Variants in FSIP2 observed in about 807,000 individuals in gnomAD.
FSIP2 encodes fibrous sheath-interacting protein 2.
Under a neutral mutation model 510.5 loss-of-function variants are expected in FSIP2, and 367 were observed. The ratio of observed to expected loss-of-function variants is 0.72; its 90% CI spans 0.66 to 0.78. The LOEUF is 0.78. Among genes scored for constraint, FSIP2 ranks in the 30% least tolerant of loss-of-function variants. FSIP2 has a pLI of 0.00. For missense variants in FSIP2, 7,594 were observed against 7,901.7 expected, an observed-to-expected ratio of 0.96 and a Z score of 1.48; for synonymous variants, 2,601 against 2,732.2, an observed-to-expected ratio of 0.95 and a Z score of 1.50.
At position 185,795,890 on chromosome 2, in the gene FSIP2, G is replaced by A; in HGVS notation, c.8754G>A (p.Arg2918=). The A allele has an allele frequency of 6.5e-7, 1 of 1,533,372 alleles. No homozygotes were observed. Among genetic ancestry groups the A allele is most frequent in the Non-Finnish European group, 8.7e-7 (1 of 1,145,624 alleles). 95.0% of individuals were successfully genotyped at this position (1,533,372 alleles called of 1,614,324 possible). A position where few individuals can be genotyped will look rare whatever the true frequency, so the allele number is the denominator to read the frequency against. Residue 2918 remains arginine, a synonymous_variant, in exon 16 of 23, where the codon AGG becomes AGA. Transcript: ENST00000424728. ...AAGCACAAATTAATATGTTTGGAAGGGAAATTGTTGAAATGCTACTTGAAA... is the reference window on the plus strand; with the variant it reads ...AAGCACAAATTAATATGTTTGGAAGAGAAATTGTTGAAATGCTACTTGAAA... ...DTKAQINMFG[R]EIVEMLLEKL...
At chr2:185,746,458 G>A (rs543235261) in intron 5 of FSIP2, among the ~76,000 whole-genome samples, 1 of 152,122 alleles carries the variant, frequency 6.6e-6, no homozygotes, top group Admixed American at 6.6e-5. Context: ...CTTGTGTAGT[G>A]GAGAGACCTT....
chr2:185,792,465 A>G lies in FSIP2; in HGVS notation c.5329A>G (p.Ile1777Val), dbSNP rs199853325. The change falls in exon 16 of 23, where the codon ATT becomes GTT. Residue 1777 changes from isoleucine (I) to valine (V), a missense_variant. Ile to Val is a conservative substitution (Grantham distance 29). Coordinates refer to ENST00000424728, the MANE Select transcript of FSIP2 (RefSeq NM_173651.4). ...VKLKEPHISP[I>V]APIIRNILNE... Reference sequence around the variant, plus strand: ...ACTCAAAGAACCACATATATCTCCAATTGCTCCCATTATAAGAAATATTTT... The same window carrying G: ...ACTCAAAGAACCACATATATCTCCAGTTGCTCCCATTATAAGAAATATTTT... 2,869 of 1,530,794 alleles carry G rather than the reference A, an allele frequency of 1.9e-3. 3 individuals carry two copies. The highest frequency in any genetic ancestry group is 2.3e-3 in the Non-Finnish European group (2,572 of 1,142,748). 94.8% of individuals were successfully genotyped at this position (1,530,794 alleles called of 1,614,324 possible).
At position 185,794,183 on chromosome 2, in the gene FSIP2, G is replaced by A. The variant is rs1235746385; in HGVS notation, c.7047G>A (p.Lys2349=). The change falls in exon 16 of 23, where the codon AAG becomes AAA. Residue 2349 remains lysine (K), a synonymous_variant. Transcript: ENST00000424728. The part of the protein sequence containing the change: ...STIHLSQARL[K]TYADVIASAI... ...TTCACCTATCGCAAGCTAGGCTTAA[G>A]ACATATGCTGACGTCATTGCCAGTG... The A allele has an allele frequency of 6.5e-7, 1 of 1,534,648 alleles. No homozygotes were observed. Among genetic ancestry groups the A allele is most frequent in the Non-Finnish European group, 8.7e-7 (1 of 1,145,928 alleles).
chr2:185,772,750 G>A (rs1399550606), intron 13 of FSIP2, among the ~76,000 whole-genome samples: 2 of 151,884 alleles, frequency 1.3e-5, no homozygotes, highest in Non-Finnish European at 2.9e-5. Flanking sequence ...ACTTTTGTGT[G>A]TTTTCATAAT....
chr2:185,820,823 A>C (rs1693902033), intron 19 of FSIP2, among the ~76,000 whole-genome samples: 1 of 151,540 alleles, frequency 6.6e-6, no homozygotes, highest in Non-Finnish European at 1.5e-5. Context: ...TAAAATTTAT[A>C]GTTGTAAATT....
chr2:185,779,575 G>C (rs975156125), intron 13 of FSIP2, among the ~76,000 whole-genome samples: 3 of 151,934 alleles, frequency 2.0e-5, no homozygotes, highest in African/African-American at 7.2e-5. Context: ...GTTAAAATTG[G>C]ATAATTTACT....
At position 185,782,775 on chromosome 2, in the gene FSIP2, G is replaced by GGTACCTAA. The variant is rs1692880421; in HGVS notation, c.1469+14_1469+15insTACCTAAG. On this transcript the variant is annotated intron_variant, in intron 14 of 22. Coordinates refer to ENST00000424728, the MANE Select transcript of FSIP2 (RefSeq NM_173651.4). ...TTTACACAAATATGTAAGTACCTAA[G>GGTACCTAA]GAATTATATATAATCATAACTAATT... 7.6e-7 allele frequency: 1 copy of GGTACCTAA among 1,318,802 alleles called. No individual in the cohort carries two copies. The highest frequency in any genetic ancestry group is 1.5e-5 in the African/African-American group (1 of 68,850). 81.7% of individuals were successfully genotyped at this position (1,318,802 alleles called of 1,614,324 possible). A position where few individuals can be genotyped will look rare whatever the true frequency, so the allele number is the denominator to read the frequency against.
intron 20 of FSIP2, among the ~76,000 whole-genome samples, chr2:185,827,161 C>T (rs1467099394): frequency 4.0e-5 from 6 of 151,820 alleles, no homozygotes; most frequent in East Asian, 3.9e-4. Flanking sequence ...TAGATTTAGG[C>T]GCTTTTTAGG....
rs548677096 is a variant in FSIP2 at position 185,789,720 on chromosome 2, T to C, written c.2584T>C (p.Cys862Arg). 7.8e-4 allele frequency: 1,193 copies of C among 1,534,442 alleles called. 24 individuals carry two copies. The South Asian group carries it at 0.013, about 17-fold the overall frequency. ...SCQQHKTDPI[C>R]MFLQRAGKNK... ...CCAGCAACATAAGACAGACCCAATA[T>C]GTATGTTCCTTCAAAGAGCTGGCAA... The change falls in exon 16 of 23, where the codon TGT becomes CGT. Residue 862 changes from cysteine (C) to arginine (R), a missense_variant. By Grantham distance (180) the Cys-to-Arg change is radical (BLOSUM62 -3). Transcript: ENST00000424728.
chr2:185,795,836 A>G lies in FSIP2; in HGVS notation c.8700A>G (p.Lys2900=). The G allele has an allele frequency of 1.3e-6, 2 of 1,533,422 alleles. No individual in the cohort carries two copies. Among genetic ancestry groups the G allele is most frequent in the South Asian group, 2.4e-5 (2 of 83,522 alleles). 95.0% of individuals were successfully genotyped at this position (1,533,422 alleles called of 1,614,324 possible). Residue 2900 remains lysine (K), a synonymous_variant, in exon 16 of 23, where the codon AAA becomes AAG. Transcript: ENST00000424728. ...NCESRFYNHF[K]GASTRAEDTK... ...AAAGCAGGTTTTATAATCATTTTAAAGGAGCTTCTACTAGAGCCGAGGATA... is the reference window on the plus strand; with the variant it reads ...AAAGCAGGTTTTATAATCATTTTAAGGGAGCTTCTACTAGAGCCGAGGATA...
rs202103196 is a variant in FSIP2, at chr2:185,807,101, ACT to A, written c.17798_17799del (p.Ser5933TyrfsTer8). 3 of 1,597,758 alleles carry A rather than the reference ACT, an allele frequency of 1.9e-6. No individual in the cohort carries two copies. The highest frequency in any genetic ancestry group is 4.5e-5 in the East Asian group (2 of 44,744). On this transcript the variant is annotated frameshift_variant, in exon 17 of 23. Coordinates refer to ENST00000424728, the MANE Select transcript of FSIP2 (RefSeq NM_173651.4). LOFTEE classifies it high-confidence loss of function. ...ATTTTAAATGACTATGGATCTCAAG[ACT>A]CTATTTGGAAGAATATAAACAGTAA... is the stretch of plus-strand genomic sequence containing the variant.
At chr2:185,812,010 G>A (rs533502065) in intron 17 of FSIP2, among the ~76,000 whole-genome samples, 4 of 152,250 alleles carry the variant, frequency 2.6e-5, no homozygotes, top group Admixed American at 2.0e-4. Context: ...GAGGGGGCAT[G>A]TTAAGGTTGG....
intron 13 of FSIP2, among the ~76,000 whole-genome samples, chr2:185,778,355 A>G (rs376588436): frequency 6.6e-6 from 1 of 152,076 alleles, no homozygotes; most frequent in Non-Finnish European, 1.5e-5. Context: ...CAATGAGCTA[A>G]TATTTGAAAC....
rs1303929313 is a variant in FSIP2 at position 185,793,413 on chromosome 2, AC to A, written c.6279del (p.Ile2094LeufsTer25). The A allele has an allele frequency of 6.5e-7, 1 of 1,533,714 alleles. No individual in the cohort carries two copies. The highest frequency in any genetic ancestry group is 1.4e-5 in the African/African-American group (1 of 72,856). On this transcript the variant is annotated frameshift_variant, in exon 16 of 23. Coordinates refer to ENST00000424728, the MANE Select transcript of FSIP2 (RefSeq NM_173651.4). LOFTEE classifies it high-confidence loss of function. The stretch of plus-strand genomic sequence containing the variant: ...AGTACTTCAACTTCAAATACAAGAT[AC>A]CATTGAAGGTATCCTATGTGATATT... Reference protein sequence around the residue: ...RKVLQLQIQDTIEGILCDIYE... With the variant: ...RKVLQLQIQDXIEGILCDIYE...
chr2:185,824,480 G>A lies in FSIP2; in HGVS notation c.20473G>A (p.Glu6825Lys). The change falls in exon 20 of 23, where the codon GAA (glutamate) becomes AAA (lysine). Residue 6825 changes from glutamate to lysine, a missense_variant and splice_region_variant. Coordinates refer to ENST00000424728, the MANE Select transcript of FSIP2 (RefSeq NM_173651.4). ...HSDPSAKILE[E>K]SSQEQKPEHG... is the part of the protein sequence containing the mutation. ...AGACCCAAGTGCTAAAATATTAGAA[G>A]GTTGGACTCCTTTTTCTTAAATTAG... 6.4e-7 allele frequency: 1 copy of A among 1,560,058 alleles called. No homozygotes were observed. Among genetic ancestry groups the A allele is most frequent in the Non-Finnish European group, 8.7e-7 (1 of 1,143,098 alleles).
Position 185,790,645 on chromosome 2 carries a change from T to C in FSIP2, c.3509T>C (p.Ile1170Thr). The C allele has an allele frequency of 6.5e-7, 1 of 1,533,920 alleles. No homozygotes were observed. The highest frequency in any genetic ancestry group is 8.7e-7 in the Non-Finnish European group (1 of 1,145,356). ...GAAATCAGTACAGTGGCTCAAGAAATAACAGATTCTGTGTTAAACATACTT... is the reference window on the plus strand; with the variant it reads ...GAAATCAGTACAGTGGCTCAAGAAACAACAGATTCTGTGTTAAACATACTT... ...VSEISTVAQE[I>T]TDSVLNILHK... The change falls in exon 16 of 23, where the codon ATA (isoleucine) becomes ACA (threonine). Residue 1170 changes from isoleucine to threonine, a missense_variant. Coordinates refer to ENST00000424728, the MANE Select transcript of FSIP2 (RefSeq NM_173651.4).
At position 185,751,587 on chromosome 2, in the gene FSIP2, C is replaced by T. The variant is rs143081474; in HGVS notation, c.871-2135C>T. ...GTGTTTGTAGCATTTACATTTAGTG[C>T]GATTATTAACATGATTAGTTTTATG... On this transcript the variant is annotated intron_variant, in intron 7 of 22. Transcript: ENST00000424728. Among the ~76,000 whole-genome samples the T allele has an allele frequency of 1.2e-4, 18 of 149,840 alleles. No individual in the cohort carries two copies. The East Asian group carries it at 3.2e-3, about 27-fold the overall frequency.
chr2:185,777,013 C>T (rs925245153), intron 13 of FSIP2, among the ~76,000 whole-genome samples: 5 of 152,132 alleles, frequency 3.3e-5, no homozygotes, highest in Admixed American at 2.0e-4. Flanking sequence ...CGTGAGCCAC[C>T]GTGCCTGGCC....
In FSIP2 at chr2:185,807,233, T is replaced by C. The variant is rs756935282; in HGVS notation, c.17927T>C (p.Leu5976Ser). Reference sequence around the variant, plus strand: ...GATGAGGTTTCAGTTTCAGCATGTTTGCCTCTGGAATCTAAGGATGTTGTT... The same window carrying C: ...GATGAGGTTTCAGTTTCAGCATGTTCGCCTCTGGAATCTAAGGATGTTGTT... Reference protein sequence around the residue: ...FCDEVSVSACLPLESKDVVKK... With the variant: ...FCDEVSVSACSPLESKDVVKK... The change falls in exon 17 of 23, where the codon TTG becomes TCG. Residue 5976 changes from leucine to serine, a missense_variant. Leu to Ser is a moderately radical substitution (Grantham distance 145, BLOSUM62 -2). Transcript: ENST00000424728. The C allele has an allele frequency of 6.2e-7, 1 of 1,606,676 alleles. No homozygotes were observed. The highest frequency in any genetic ancestry group is 8.5e-7 in the Non-Finnish European group (1 of 1,177,782).
Sources: allele counts gnomAD v4.1 joint callset (sites outside exome capture counted in the v4.1 genomes callset), GRCh38; gene constraint gnomAD v4.1.1; transcripts MANE v1.5; gene names NCBI Gene and HGNC (gene_info 2026-07-23, HGNC 2026-07-21).